Variants in NKAIN2 observed in about 807,000 individuals in gnomAD.
NKAIN2 encodes the protein sodium/potassium-transporting ATPase subunit beta-1-interacting protein 2.
NKAIN2 carries 14 observed loss-of-function variants against 32.6 expected under a neutral mutation model. The observed-to-expected ratio is 0.43, with a 90% CI of 0.28 to 0.67. The LOEUF (loss-of-function observed/expected upper bound fraction) is 0.67. NKAIN2 is among the 30% of genes least tolerant of loss of function. The probability of loss-of-function intolerance (pLI) is 0.17; values close to 1 mark genes in which losing one functional copy is unlikely to be tolerated. For missense variants in NKAIN2, 198 were observed against 258.3 expected (o/e 0.77, Z 1.60); for synonymous variants, 80 against 87.2 (o/e 0.92, Z 0.46).
intron 1 of NKAIN2, among the ~76,000 whole-genome samples, chr6:124,127,959 T>C (rs1786266516): frequency 6.6e-6 from 1 of 152,156 alleles, no homozygotes; most frequent in Non-Finnish European, 1.5e-5. Flanking sequence ...CCCAAGTAGC[T>C]GGGATTATAG....
At chr6:123,869,484 G>A (rs1192751351) in intron 1 of NKAIN2, among the ~76,000 whole-genome samples, 1 of 152,088 alleles carries the variant, frequency 6.6e-6, no homozygotes, top group Non-Finnish European at 1.5e-5. Flanking sequence ...CATTATACTT[G>A]CATCCATCCT....
At chr6:124,325,506 C>A (rs979066054) in intron 2 of NKAIN2, among the ~76,000 whole-genome samples, 10 of 151,760 alleles carry the variant, frequency 6.6e-5, no homozygotes, top group Admixed American at 3.3e-4. Flanking sequence ...ATTGTAATAC[C>A]CATCAACTGA....
At chr6:124,078,342 A>G (rs1446761442) in intron 1 of NKAIN2, among the ~76,000 whole-genome samples, 1 of 150,026 alleles carries the variant, frequency 6.7e-6, no homozygotes, top group Admixed American at 6.6e-5. Flanking sequence ...AGTTAAATCT[A>G]TTTTTAAATC....
intron 4 of NKAIN2, among the ~76,000 whole-genome samples, chr6:124,781,066 AAACTAGGTG>A (rs1779242255): frequency 6.6e-6 from 1 of 152,122 alleles, no homozygotes; most frequent in Non-Finnish European, 1.5e-5. Context: ...CCGACTTGGA[AAACTAGGTG>A]AACTTAATTT....
intron 1 of NKAIN2, among the ~76,000 whole-genome samples, chr6:123,978,809 G>T (rs1193748882): frequency 6.6e-6 from 1 of 152,060 alleles, no homozygotes; most frequent in East Asian, 1.9e-4. Context: ...ATAAATTCAA[G>T]AATTCAATAT....
chr6:123,918,492 G>A (rs1225238504), intron 1 of NKAIN2, among the ~76,000 whole-genome samples: 2 of 152,168 alleles, frequency 1.3e-5, no homozygotes, highest in Non-Finnish European at 2.9e-5. Flanking sequence ...TGGCAGAAAT[G>A]CCCTTTTCAT....
At chr6:123,837,485 T>C (rs1774679340) in intron 1 of NKAIN2, among the ~76,000 whole-genome samples, 1 of 152,158 alleles carries the variant, frequency 6.6e-6, no homozygotes, top group South Asian at 2.1e-4. Flanking sequence ...ACCTTTAAAA[T>C]ATATCCAGAA....
intron 4 of NKAIN2, among the ~76,000 whole-genome samples, chr6:124,700,775 C>A (rs1392613905): frequency 1.3e-5 from 2 of 151,826 alleles, no homozygotes; most frequent in Non-Finnish European, 2.9e-5. Flanking sequence ...TACAGAAGCT[C>A]ATTTTCCAAC....
At chr6:124,777,364 C>T (rs1018411223) in intron 4 of NKAIN2, among the ~76,000 whole-genome samples, 19 of 151,978 alleles carry the variant, frequency 1.3e-4, no homozygotes, top group Non-Finnish European at 2.2e-4. Flanking sequence ...AGTCAGTCAC[C>T]CTGGGTTTGA....
At chr6:124,226,086 G>A (rs1046379077) in intron 1 of NKAIN2, among the ~76,000 whole-genome samples, 1 of 151,990 alleles carries the variant, frequency 6.6e-6, no homozygotes, top group African/African-American at 2.4e-5. Context: ...AGGAGAGAAT[G>A]GACACTGTCA....
At chr6:124,043,093 CA>C (rs1781949046) in intron 1 of NKAIN2, among the ~76,000 whole-genome samples, 1 of 152,070 alleles carries the variant, frequency 6.6e-6, no homozygotes, top group South Asian at 2.1e-4. Flanking sequence ...GGGGCAGGTT[CA>C]CACATGTAAT....
At chr6:124,371,693 CAAAAAAAA>C (rs10679200) in intron 3 of NKAIN2, among the ~76,000 whole-genome samples, 2 of 95,788 alleles carry the variant, frequency 2.1e-5, no homozygotes, top group Non-Finnish European at 4.1e-5. Flanking sequence ...GACTCTGTCT[CAAAAAAAA>C]AAAAAAAAAA....
At chr6:123,944,016 T>C (rs1484321089) in intron 1 of NKAIN2, among the ~76,000 whole-genome samples, 1 of 152,086 alleles carries the variant, frequency 6.6e-6, no homozygotes, top group Non-Finnish European at 1.5e-5. Context: ...CATTAATTGA[T>C]TCCAAAGGGA....
intron 1 of NKAIN2, among the ~76,000 whole-genome samples, chr6:123,853,060 T>A (rs180889552): frequency 9.2e-5 from 14 of 152,344 alleles, no homozygotes; most frequent in Admixed American, 5.2e-4. Flanking sequence ...AAATAAGCAC[T>A]ATGATTCAGA....
At chr6:124,129,907 C>T (rs1786374430) in intron 1 of NKAIN2, among the ~76,000 whole-genome samples, 1 of 152,074 alleles carries the variant, frequency 6.6e-6, no homozygotes, top group Non-Finnish European at 1.5e-5. Flanking sequence ...CGTGAGCCAC[C>T]CCACCTGGCA....
chr6:124,671,212 C>CT (rs933308618), intron 4 of NKAIN2, among the ~76,000 whole-genome samples: 1 of 152,054 alleles, frequency 6.6e-6, no homozygotes, highest in African/African-American at 2.4e-5. Flanking sequence ...GATTTTCTCT[C>CT]TTTTTTAGAT....
chr6:124,360,085 G>A (rs1309595222), intron 3 of NKAIN2, among the ~76,000 whole-genome samples: 1 of 151,856 alleles, frequency 6.6e-6, no homozygotes, highest in African/African-American at 2.4e-5. Flanking sequence ...ATATTGATTT[G>A]CGAATGTTGA....
intron 4 of NKAIN2, among the ~76,000 whole-genome samples, chr6:124,665,925 T>C (rs1279947144): frequency 8.6e-6 from 1 of 116,322 alleles, no homozygotes; most frequent in Non-Finnish European, 1.9e-5. Context: ...AGATCTGGAA[T>C]TGAAAACTAA....
At chr6:124,030,721 G>A (rs1026777244) in intron 1 of NKAIN2, among the ~76,000 whole-genome samples, 1 of 152,190 alleles carries the variant, frequency 6.6e-6, no homozygotes, top group African/African-American at 2.4e-5. Context: ...CTCCTGGAAA[G>A]CATGAACATA....
Sources: gnomAD v4.1 joint callset for allele counts (sites outside exome capture counted in the v4.1 genomes callset) on GRCh38, gnomAD v4.1.1 for gene constraint, MANE v1.5 for transcripts, NCBI Gene and HGNC (gene_info 2026-07-23, HGNC 2026-07-21) for gene names.